The following OPA1 variants were observed in gnomAD, a reference collection of about 807,000 sequenced individuals.
OPA1 encodes the protein OPA1 mitochondrial dynamin like GTPase.
A neutral mutation model predicts 152.9 loss-of-function variants in OPA1; 59 were observed. That is an observed-to-expected ratio of 0.39 (90% CI 0.31 to 0.48). OPA1 has a LOEUF of 0.48. Ranked by LOEUF, OPA1 falls within the 20% of genes least tolerant of loss-of-function variation. The pLI is 0.96. For missense variants in OPA1, 1,008 were observed against 1,216.8 expected, an observed-to-expected ratio of 0.83 and a Z score of 2.55; for synonymous variants, 400 against 389.9, an observed-to-expected ratio of 1.03 and a Z score of -0.31.
intron 1 of OPA1, among the ~76,000 whole-genome samples, chr3:193,613,333 A>G (rs1378528811): frequency 6.7e-6 from 1 of 150,124 alleles, no homozygotes; most frequent in Non-Finnish European, 1.5e-5. Flanking sequence ...TTCTCAGGCC[A>G]TATTTAGTTT....
In OPA1 at chr3:193,635,439, G is replaced by A. The variant is rs1319065221; in HGVS notation, c.865G>A (p.Glu289Lys). 1.9e-6 allele frequency: 3 copies of A among 1,602,798 alleles called. No individual in the cohort carries two copies. Among genetic ancestry groups the A allele is most frequent in the Non-Finnish European group, 2.6e-6 (3 of 1,170,240 alleles). Residue 289 changes from glutamate (E) to lysine (K), a missense_variant, in exon 9 of 31, where the codon GAA (glutamate) becomes AAA (lysine). Physicochemically the swap from Glu to Lys is moderately conservative, Grantham distance 56. Transcript: ENST00000361510. ...GCAGTTGAAGTATCAGAGAATCTTG[G>A]AACGATTAGAAAAGGAGAACAAAGA... ...HTQLKYQRIL[E>K]RLEKENKELR...
At chr3:193,667,695 A>G (rs204271) in intron 29 of OPA1, among the ~76,000 whole-genome samples, 1 of 146,984 alleles carries the variant, frequency 6.8e-6, no homozygotes, top group Non-Finnish European at 1.5e-5. Context: ...AAAAAAAGTT[A>G]CAAGGAATTT....
At chr3:193,633,720 A>G (rs1388660934) in intron 8 of OPA1, among the ~76,000 whole-genome samples, 2 of 152,210 alleles carry the variant, frequency 1.3e-5, no homozygotes, top group African/African-American at 4.8e-5. Flanking sequence ...TCAACATGTG[A>G]TCAGTATAAA....
chr3:193,654,247 A>G (rs1375456183), intron 21 of OPA1, among the ~76,000 whole-genome samples: 1 of 152,134 alleles, frequency 6.6e-6, no homozygotes, highest in African/African-American at 2.4e-5. Context: ...TGTAATCCCA[A>G]CACTTTGGGA....
chr3:193,635,364 CTA>C (rs1337477007), intron 8 of OPA1, 52 bp from the exon 9 acceptor site: 2 of 1,050,038 alleles, frequency 1.9e-6, no homozygotes, highest in Non-Finnish European at 3.0e-6. Context: ...AGACTTAATA[CTA>C]TTTGATAACC....
Position 193,596,382 on chromosome 3 carries a change from TTTCTTTTCTG to T in OPA1, c.32+2983_32+2992del, listed in dbSNP as rs1326607154. On this transcript the variant is annotated intron_variant, in intron 1 of 30. Transcript: ENST00000361510. Reference sequence around the variant, plus strand: ...TTTTCTTAATTTTCTTTTCTTTTCTTTTCTTTTCTGTTCTTTTCTTTTCTTTTCTTTTCTT... The same window carrying T: ...TTTTCTTAATTTTCTTTTCTTTTCTTTTCTTTTCTTTTCTTTTCTTTTCTT... 1.4e-3 allele frequency among the ~76,000 whole-genome samples: 124 copies of T among 88,566 alleles called. 6 individuals carry two copies. The highest frequency in any genetic ancestry group is 4.0e-3 in the African/African-American group (85 of 21,066). 58.1% of individuals were successfully genotyped at this position (88,566 alleles called of 152,430 possible).
In OPA1 at chr3:193,658,564, G is replaced by A. The variant is rs71316211; in HGVS notation, c.2332-323G>A. Among the ~76,000 whole-genome samples the A allele has an allele frequency of 0.12, 17,692 of 152,044 alleles. 1,330 individuals are homozygous for A. The highest frequency in any genetic ancestry group is 0.16 in the Non-Finnish European group (11,196 of 67,930). On this transcript the variant is annotated intron_variant, in intron 23 of 30. Coordinates refer to ENST00000361510, the MANE Select transcript of OPA1 (RefSeq NM_130837.3). ...TGAATTATTAAACCCTGAATTTTAGGTTTCTAGATGTTGCATTTCATGTAG... is the reference window on the plus strand; with the variant it reads ...TGAATTATTAAACCCTGAATTTTAGATTTCTAGATGTTGCATTTCATGTAG...
At chr3:193,626,363 G>C (rs1731141956) in intron 7 of OPA1, among the ~76,000 whole-genome samples, 161 bp downstream of exon 7, 2 of 152,112 alleles carry the variant, frequency 1.3e-5, no homozygotes, top group Non-Finnish European at 2.9e-5. Flanking sequence ...AACTTTTCTG[G>C]AGTGGGTAGT....
rs371878279 is a variant in OPA1, at chr3:193,596,355, T to C, written c.32+2946T>C. On this transcript the variant is annotated intron_variant, in intron 1 of 30. Transcript: ENST00000361510. ...CCTTTCCTTTTCTTTTCTTTTCTTT[T>C]CTTTTCTTAATTTTCTTTTCTTTTC... Among the ~76,000 whole-genome samples, 369 of 98,256 alleles carry C rather than the reference T, an allele frequency of 3.8e-3. 7 individuals are homozygous for C. The highest frequency in any genetic ancestry group is 0.012 in the African/African-American group (346 of 27,806). 64.5% of individuals were successfully genotyped at this position (98,256 alleles called of 152,430 possible).
intron 26 of OPA1, among the ~76,000 whole-genome samples, chr3:193,664,269 T>C (rs1314925584): frequency 4.6e-5 from 7 of 152,090 alleles, no homozygotes; most frequent in African/African-American, 1.7e-4. Flanking sequence ...TAATATGTCC[T>C]TTAATAATTG....
chr3:193,642,698 T>A, intron 11 of OPA1, 67 bp from the exon 12 acceptor site: 1 of 1,182,420 alleles, frequency 8.5e-7, no homozygotes. Context: ...CTAGACCACA[T>A]ACGGGCTGTG....
At chr3:193,643,824 T>C in intron 15 of OPA1, 151 bp from the exon 16 acceptor site, 2 of 990,210 alleles carry the variant, frequency 2.0e-6, no homozygotes, top group Non-Finnish European at 3.0e-6. Context: ...ATTGAAATTT[T>C]TATCGGCTAG....
intron 20 of OPA1, chr3:193,648,410 C>T (rs1486925968): frequency 5.1e-6 from 2 of 395,458 alleles, no homozygotes; most frequent in Non-Finnish European, 4.6e-6. Context: ...TTGTAGAATT[C>T]GTGTATTCCT....
chr3:193,683,113 A>T (rs1399905181), intron 29 of OPA1, among the ~76,000 whole-genome samples: 1 of 152,168 alleles, frequency 6.6e-6, no homozygotes, highest in Non-Finnish European at 1.5e-5. Flanking sequence ...TCCAACCCTC[A>T]TGGATGACTT....
chr3:193,652,570 C>T (rs1422140354), intron 21 of OPA1, among the ~76,000 whole-genome samples: 2 of 152,120 alleles, frequency 1.3e-5, no homozygotes, highest in African/African-American at 4.8e-5. Context: ...TTAACTTCTA[C>T]TTTCTAACTC....
chr3:193,611,554 G>A (rs281803), intron 1 of OPA1, among the ~76,000 whole-genome samples: 20,508 of 140,292 alleles, frequency 0.15, 1,747 homozygotes, highest in East Asian at 0.33. Flanking sequence ...CCGAGATTGC[G>A]CCACTACACT....
rs749063844 is a variant in OPA1 at position 193,614,935 on chromosome 3, A to G, written c.245A>G (p.Tyr82Cys). ...AAATTCTCTCCAATTAAATATGGCTACCAGCCTCGCAGGAATTTTTGGCCA... is the reference window on the plus strand; with the variant it reads ...AAATTCTCTCCAATTAAATATGGCTGCCAGCCTCGCAGGAATTTTTGGCCA... ...KLKFSPIKYG[Y>C]QPRRNFWPAR... The change falls in exon 2 of 31, where the codon TAC (tyrosine) becomes TGC (cysteine). Residue 82 changes from tyrosine (Y) to cysteine (C), a missense_variant. By Grantham distance (194) the Tyr-to-Cys change is radical. Transcript: ENST00000361510. 24 of 1,613,952 alleles carry G rather than the reference A, an allele frequency of 1.5e-5. No homozygotes were observed. The highest frequency in any genetic ancestry group is 2.0e-5 in the Non-Finnish European group (24 of 1,179,830).
Position 193,654,914 on chromosome 3 carries a change from G to A in OPA1, c.2065G>A (p.Glu689Lys). 6.2e-7 allele frequency: 1 copy of A among 1,613,866 alleles called. No individual in the cohort carries two copies. The highest frequency in any genetic ancestry group is 8.5e-7 in the Non-Finnish European group (1 of 1,179,928). The change falls in exon 22 of 31, where the codon GAA (glutamate) becomes AAA (lysine). Residue 689 changes from glutamate (E) to lysine (K), a missense_variant. Physicochemically the swap from Glu to Lys is moderately conservative, Grantham distance 56. Transcript: ENST00000361510. ...GGAAAGAGTATCAACTCATGTGATT[G>A]AAAACATCTACCTTCCAGCTGCGCA... ...LWERVSTHVI[E>K]NIYLPAAQTM...
intron 29 of OPA1, among the ~76,000 whole-genome samples, chr3:193,671,982 C>T (rs1718030151): frequency 6.6e-6 from 1 of 152,148 alleles, no homozygotes; most frequent in Admixed American, 6.5e-5. Context: ...TTAAAATATG[C>T]CCACTGGGAC....
Sources: allele counts gnomAD v4.1 joint callset (sites outside exome capture counted in the v4.1 genomes callset), GRCh38; gene constraint gnomAD v4.1.1; transcripts MANE v1.5; gene names NCBI Gene and HGNC (gene_info 2026-07-23, HGNC 2026-07-21).